Variants in PMFBP1 observed in about 807,000 individuals in gnomAD.
The protein encoded by PMFBP1 is polyamine modulated factor 1 binding protein 1.
PMFBP1 carries 131 observed loss-of-function variants against 137.8 expected under a neutral mutation model. That is an observed-to-expected ratio of 0.95 (90% CI 0.82 to 1.10). PMFBP1 has a LOEUF of 1.10. PMFBP1 is among the 50% of genes least tolerant of loss of function. PMFBP1 has a pLI of 0.00. For synonymous variants in PMFBP1, 490 were observed against 450.4 expected, an observed-to-expected ratio of 1.09 and a Z score of -1.11; for missense variants, 1,199 against 1,175.4, an observed-to-expected ratio of 1.02 and a Z score of -0.29.
intron 4 of PMFBP1, among the ~76,000 whole-genome samples, chr16:72,152,860 A>G (rs1286413965): frequency 6.6e-6 from 1 of 151,634 alleles, no homozygotes; most frequent in Non-Finnish European, 1.5e-5. Flanking sequence ...AAAAAAAAAA[A>G]AAAAAAAAGG....
chr16:72,185,222 C>T, the PMFBP1 span, among the ~76,000 whole-genome samples: 4 of 152,092 alleles, frequency 2.6e-5, no homozygotes, highest in Non-Finnish European at 5.9e-5. Context: ...CGGGGTTTCA[C>T]CATGTTGCCT....
chr16:72,178,434 A>C (rs1216205374), upstream of PMFBP1, among the ~76,000 whole-genome samples: 1 of 152,224 alleles, frequency 6.6e-6, no homozygotes, highest in Non-Finnish European at 1.5e-5. Flanking sequence ...ATCTTTAGCA[A>C]GGTGGATCTC....
the PMFBP1 span, among the ~76,000 whole-genome samples, chr16:72,207,762 A>G: frequency 6.7e-6 from 1 of 149,002 alleles, no homozygotes; most frequent in African/African-American, 2.5e-5. Context: ...ATACACACAC[A>G]TATACATATA....
chr16:72,185,777 A>C, the PMFBP1 span, among the ~76,000 whole-genome samples: 1 of 152,230 alleles, frequency 6.6e-6, no homozygotes, highest in South Asian at 2.1e-4. Context: ...AAGAATGAAG[A>C]GTCAAATTAA....
At chr16:72,194,056 C>A in the PMFBP1 span, among the ~76,000 whole-genome samples, 1 of 151,420 alleles carries the variant, frequency 6.6e-6, no homozygotes, top group Admixed American at 6.6e-5. Context: ...TCTCTTGGAG[C>A]CTTTGAAAAT....
the PMFBP1 span, among the ~76,000 whole-genome samples, chr16:72,199,769 G>A: frequency 1.3e-5 from 2 of 152,116 alleles, no homozygotes; most frequent in Admixed American, 6.5e-5. Flanking sequence ...GTGATAGAGG[G>A]GGGAATGTAG....
At chr16:72,134,919 C>T (rs1050926357) in intron 9 of PMFBP1, among the ~76,000 whole-genome samples, 1 of 152,180 alleles carries the variant, frequency 6.6e-6, no homozygotes, top group African/African-American at 2.4e-5. Context: ...TGTCTCCCTA[C>T]ACAGGAGTGC....
chr16:72,199,867 G>A, the PMFBP1 span, among the ~76,000 whole-genome samples: 2 of 152,168 alleles, frequency 1.3e-5, no homozygotes. Context: ...AGAAGAGAGG[G>A]AATGGCAGCG....
the PMFBP1 span, among the ~76,000 whole-genome samples, chr16:72,193,482 A>T: frequency 6.6e-6 from 1 of 152,140 alleles, no homozygotes; most frequent in Non-Finnish European, 1.5e-5. Flanking sequence ...ATTTTAGGTG[A>T]TTATCATTAT....
At chr16:72,118,004 C>G (rs2042325611), downstream of PMFBP1, among the ~76,000 whole-genome samples, 1 of 152,202 alleles carries the variant, frequency 6.6e-6, no homozygotes, top group Non-Finnish European at 1.5e-5. Context: ...ACCTGCTTTG[C>G]TCTGGTGTAA....
In PMFBP1 at chr16:72,171,245, T is replaced by C. The variant is rs2144533192; in HGVS notation, c.-37A>G. 6.2e-7 allele frequency: 1 copy of C among 1,612,256 alleles called. No homozygotes were observed. The highest frequency in any genetic ancestry group is 2.2e-5 in the East Asian group (1 of 44,860). ...CTCTCAATTCTCCTTTAACCTTTAG[T>C]ATTTTCTGAGCTTTGTTATAAACCT... On this transcript the variant is annotated 5_prime_UTR_variant, in exon 2 of 21. It adds an upstream start codon to the 5' untranslated region. Coordinates refer to ENST00000237353, the MANE Select transcript of PMFBP1 (RefSeq NM_031293.3).
At chr16:72,229,387 G>A in the PMFBP1 span, among the ~76,000 whole-genome samples, 981 of 152,250 alleles carry the variant, frequency 6.4e-3, 3 homozygotes, top group Non-Finnish European at 9.1e-3. Flanking sequence ...GAGATTGCTG[G>A]GTTGAACGGT....
the PMFBP1 span, among the ~76,000 whole-genome samples, chr16:72,194,937 T>C: frequency 1.1e-4 from 16 of 152,360 alleles, no homozygotes; most frequent in African/African-American, 3.4e-4. Flanking sequence ...TTTACACTCA[T>C]CAATTTAGAT....
At chr16:72,226,634 T>C in the PMFBP1 span, among the ~76,000 whole-genome samples, 1 of 152,174 alleles carries the variant, frequency 6.6e-6, no homozygotes, top group Non-Finnish European at 1.5e-5. Context: ...TGTCTCTCTC[T>C]TAGAACAAAA....
At chr16:72,142,779 T>C (rs2042742494) in intron 5 of PMFBP1, among the ~76,000 whole-genome samples, 1 of 152,184 alleles carries the variant, frequency 6.6e-6, no homozygotes, top group Non-Finnish European at 1.5e-5. Context: ...TTATTTGTAA[T>C]ATTAAAGAAA....
At chr16:72,172,488 G>T (rs190385294), upstream of PMFBP1, 15 of 149,432 alleles carry the variant, frequency 1.0e-4, no homozygotes, top group Admixed American at 3.4e-4. Context: ...AGCAGAAAGG[G>T]AACTTGGTGA....
At chr16:72,239,192 ATGTTTCCATG>A in the PMFBP1 span, among the ~76,000 whole-genome samples, 4 of 152,280 alleles carry the variant, frequency 2.6e-5, no homozygotes, top group East Asian at 7.7e-4. Flanking sequence ...CAACGATAAC[ATGTTTCCATG>A]TTTACCCCAC....
chr16:72,133,009 C>G lies in PMFBP1; in HGVS notation c.1204-18G>C. 6.2e-7 allele frequency: 1 copy of G among 1,613,116 alleles called. No homozygotes were observed. The highest frequency in any genetic ancestry group is 8.5e-7 in the Non-Finnish European group (1 of 1,179,590). ...TGGAGGAACTGAAGACAGCAAAATG[C>G]AAATGCTGGGAAAGGTCTGAGTGGC... On this transcript the variant is annotated intron_variant, in intron 9 of 20. Transcript: ENST00000237353.
At chr16:72,135,070 T>C (rs139699043) in intron 9 of PMFBP1, among the ~76,000 whole-genome samples, 1 of 152,324 alleles carries the variant, frequency 6.6e-6, no homozygotes, top group East Asian at 1.9e-4. Context: ...ACTCCGTGCC[T>C]TGTCATCATC....
Sources: allele counts gnomAD v4.1 joint callset (sites outside exome capture counted in the v4.1 genomes callset), GRCh38; gene constraint gnomAD v4.1.1; transcripts MANE v1.5; gene names NCBI Gene and HGNC (gene_info 2026-07-23, HGNC 2026-07-21).